SUSD4: variants seen among roughly 807,000 people sequenced by gnomAD.
The protein encoded by SUSD4 is sushi domain-containing protein 4.
SUSD4 carries 41 observed loss-of-function variants against 50.5 expected under a neutral mutation model. The ratio of observed to expected loss-of-function variants is 0.81; its 90% CI spans 0.63 to 1.05. The LOEUF (loss-of-function observed/expected upper bound fraction) is 1.05, where lower values mean the gene tolerates loss of function less well. Ranked by LOEUF, SUSD4 falls within the 50% of genes least tolerant of loss-of-function variation. The pLI, the probability that SUSD4 is intolerant of heterozygous loss-of-function variation, is 0.00. For missense variants in SUSD4, 580 were observed against 634.7 expected, an observed-to-expected ratio of 0.91 and a Z score of 0.93; for synonymous variants, 257 against 257.3, an observed-to-expected ratio of 1.00 and a Z score of 0.01.
intron 5 of SUSD4, among the ~76,000 whole-genome samples, chr1:223,245,447 C>T (rs1660855500): frequency 6.6e-6 from 1 of 151,798 alleles, no homozygotes; most frequent in African/African-American, 2.4e-5. Flanking sequence ...GAGAGGATGG[C>T]ACATGTGAAG....
intron 2 of SUSD4, among the ~76,000 whole-genome samples, chr1:223,311,378 G>C (rs1222225355): frequency 6.6e-6 from 1 of 152,322 alleles, no homozygotes; most frequent in South Asian, 2.1e-4. Flanking sequence ...GAGGATAAAA[G>C]GAAATGCTAC....
chr1:223,262,764 G>A (rs1349548706), intron 5 of SUSD4, among the ~76,000 whole-genome samples: 1 of 152,116 alleles, frequency 6.6e-6, no homozygotes, highest in Non-Finnish European at 1.5e-5. Context: ...TTAAAGGGAT[G>A]TCTATTGAAA....
At chr1:223,337,384 C>G (rs149338419) in intron 2 of SUSD4, among the ~76,000 whole-genome samples, 1 of 152,002 alleles carries the variant, frequency 6.6e-6, no homozygotes, top group Non-Finnish European at 1.5e-5. Context: ...AATGAATGAA[C>G]GGCACTTTAT....
chr1:223,330,301 G>A (rs1667106189), intron 2 of SUSD4, among the ~76,000 whole-genome samples: 1 of 152,182 alleles, frequency 6.6e-6, no homozygotes, highest in Non-Finnish European at 1.5e-5. Context: ...TAGATTTCCA[G>A]CTAAACCACA....
rs555160910 is a variant in SUSD4, at chr1:223,304,775, C to T, written c.149-12124G>A. Among the ~76,000 whole-genome samples the T allele has an allele frequency of 1.1e-4, 13 of 120,256 alleles. No homozygotes were observed. The East Asian group carries it at 1.7e-3, about 16-fold the overall frequency. The allele number at this position is 120,256 out of a possible 152,430, so 78.9% of individuals were successfully genotyped here. ...TAACTCTGGGTAAGTTCCTTAACCT[C>T]TCTGTGTCTCAGGTTTCCATATATA... On this transcript the variant is annotated intron_variant, in intron 2 of 8. Coordinates refer to ENST00000366878, the MANE Select transcript of SUSD4 (RefSeq NM_017982.4).
At chr1:223,308,199 G>A (rs1665663929) in intron 2 of SUSD4, among the ~76,000 whole-genome samples, 2 of 152,260 alleles carry the variant, frequency 1.3e-5, no homozygotes, top group South Asian at 2.1e-4. Context: ...TGTTGGAGGT[G>A]GGGCCTGGTG....
In SUSD4 at chr1:223,342,370, G is replaced by A. The variant is rs1667806352; in HGVS notation, c.148+20908C>T. 4.6e-5 allele frequency among the ~76,000 whole-genome samples: 7 copies of A among 152,348 alleles called. No individual in the cohort carries two copies. In the South Asian group the frequency reaches 1.4e-3, roughly 32 times the overall value. The stretch of plus-strand genomic sequence containing the variant: ...TTTCTGAGAATACTATTATTGAATA[G>A]ATGTCCCTTCTCCCCAAATTAATCT... On this transcript the variant is annotated intron_variant, in intron 2 of 8. Coordinates refer to ENST00000366878, the MANE Select transcript of SUSD4 (RefSeq NM_017982.4).
chr1:223,284,704 T>C (rs909564701), intron 3 of SUSD4, among the ~76,000 whole-genome samples: 3 of 152,188 alleles, frequency 2.0e-5, no homozygotes, highest in African/African-American at 4.8e-5. Flanking sequence ...TTGTCATTGA[T>C]GGCAACGTGG....
At chr1:223,243,175 A>T (rs764325469) in intron 5 of SUSD4, among the ~76,000 whole-genome samples, 1 of 152,236 alleles carries the variant, frequency 6.6e-6, no homozygotes, top group East Asian at 1.9e-4. Context: ...CCATTCCCAC[A>T]TGGAGACACC....
At chr1:223,262,423 A>T (rs1662187481) in intron 5 of SUSD4, among the ~76,000 whole-genome samples, 1 of 152,182 alleles carries the variant, frequency 6.6e-6, no homozygotes, top group Non-Finnish European at 1.5e-5. Context: ...AGTGTGGGTG[A>T]TCTATGAAAA....
rs756898539 is a variant in SUSD4, at chr1:223,292,582, C to A, written c.218G>T (p.Gly73Val). 2 of 1,613,984 alleles carry A rather than the reference C, an allele frequency of 1.2e-6. No individual in the cohort carries two copies. The highest frequency in any genetic ancestry group is 3.3e-5 in the Admixed American group (2 of 59,984). Reference protein sequence around the residue: ...PENGFRTPSGGVFFEGSVARF... With the variant: ...PENGFRTPSGVVFFEGSVARF... ...GGCTACAGAGCCTTCAAAGAAAACC[C>A]CTCCGCTGGGGGTCCTGAAGCCATT... The change falls in exon 3 of 9, where the codon GGG (glycine) becomes GTG (valine). Residue 73 changes from glycine (G) to valine (V), a missense_variant. Physicochemically the swap from Gly to Val is moderately radical, Grantham distance 109. Coordinates refer to ENST00000366878, the MANE Select transcript of SUSD4 (RefSeq NM_017982.4).
At chr1:223,281,201 T>C (rs2103116168) in intron 3 of SUSD4, among the ~76,000 whole-genome samples, 1 of 152,134 alleles carries the variant, frequency 6.6e-6, no homozygotes, top group South Asian at 2.1e-4. Flanking sequence ...AGCAAACACA[T>C]TCAAAAGCTA....
intron 2 of SUSD4, among the ~76,000 whole-genome samples, chr1:223,294,155 G>A (rs1159653484): frequency 6.6e-6 from 1 of 152,108 alleles, no homozygotes; most frequent in African/African-American, 2.4e-5. Context: ...TACTGAATGG[G>A]TACCAACAAC....
In SUSD4 at chr1:223,290,421, A is replaced by G. The variant is rs118145973; in HGVS notation, c.361+2018T>C. Among the ~76,000 whole-genome samples the G allele has an allele frequency of 1.3e-4, 20 of 152,340 alleles. No individual in the cohort carries two copies. The East Asian group carries it at 3.9e-3, about 29-fold the overall frequency. On this transcript the variant is annotated intron_variant, in intron 3 of 8. Transcript: ENST00000366878. ...ACAATCTCTTTATACAGATCTTTCA[A>G]AGACCAACAAAATTACCATTCAAAT...
At chr1:223,263,725 G>A (rs1291270166) in intron 5 of SUSD4, 6 of 985,272 alleles carry the variant, frequency 6.1e-6, no homozygotes, top group African/African-American at 5.2e-5. Context: ...CATGACACAC[G>A]TCCTACCCTG....
chr1:223,264,461 G>A (rs1001441945), intron 5 of SUSD4, 169 bp downstream of exon 5: 1 of 1,348,682 alleles, frequency 7.4e-7, no homozygotes, highest in African/African-American at 1.5e-5. Flanking sequence ...ACATCTAATT[G>A]TAAATATGGC....
intron 3 of SUSD4, among the ~76,000 whole-genome samples, chr1:223,286,487 G>C (rs1469174458): frequency 6.6e-6 from 1 of 151,884 alleles, no homozygotes. Context: ...CTGGCTTCAA[G>C]GTGATCCACC....
intron 5 of SUSD4, among the ~76,000 whole-genome samples, chr1:223,248,054 A>C (rs1173524996): frequency 2.6e-5 from 4 of 152,138 alleles, no homozygotes; most frequent in Non-Finnish European, 4.4e-5. Context: ...AGCAACACCT[A>C]CTCAATCAGA....
chr1:223,281,035 C>T (rs1001637200), intron 3 of SUSD4, among the ~76,000 whole-genome samples: 8 of 152,132 alleles, frequency 5.3e-5, no homozygotes, highest in Non-Finnish European at 1.2e-4. Context: ...TTCTTTGAAA[C>T]CAATGAGAAC....
Sources: gnomAD v4.1 joint callset for allele counts (sites outside exome capture counted in the v4.1 genomes callset) on GRCh38, gnomAD v4.1.1 for gene constraint, MANE v1.5 for transcripts, NCBI Gene and HGNC (gene_info 2026-07-23, HGNC 2026-07-21) for gene names.